PODNL1: variants seen among roughly 807,000 people sequenced by gnomAD.
PODNL1 encodes the protein podocan-like protein 1.
PODNL1 carries 50 observed loss-of-function variants against 45.1 expected under a neutral mutation model. That is an observed-to-expected ratio of 1.11 (90% CI 0.88 to 1.40). The LOEUF is 1.40. Ranked by LOEUF, PODNL1 falls within the 40% of genes most tolerant of loss-of-function variation. The pLI is 0.00. For synonymous variants in PODNL1, 406 were observed against 372.5 expected (o/e 1.09, Z -1.04); for missense variants, 788 against 793.3 (o/e 0.99, Z 0.08).
chr19:13,945,999 C>CT (rs1456894650), intron 1 of PODNL1, among the ~76,000 whole-genome samples: 8 of 151,962 alleles, frequency 5.3e-5, no homozygotes, highest in African/African-American at 1.9e-4. Context: ...TGGAGTGCCA[C>CT]TGCACTCCAA....
rs558988509 is a variant in PODNL1 at position 13,933,588 on chromosome 19, G to A, written c.768-133C>T. On this transcript the variant is annotated intron_variant, in intron 7 of 9. Coordinates refer to ENST00000588872, the MANE Select transcript of PODNL1 (RefSeq NM_001370095.3). This position sits in a 1 kb window ranked among gnomAD's most constrained non-coding sequence, Gnocchi z 5.2. ...TTTTGACTTGGGAGTGATGCGTGGA[G>A]AGAGCTGGGTGGGAGGTAAACTTGG... is the stretch of plus-strand genomic sequence containing the variant. The A allele has an allele frequency of 4.7e-4, 492 of 1,050,940 alleles. 2 individuals carry two copies. In the South Asian group the frequency reaches 7.8e-3, roughly 17 times the overall value. 65.1% of individuals were successfully genotyped at this position (1,050,940 alleles called of 1,614,324 possible).
chr19:13,938,671 G>T (rs1169048430), upstream of PODNL1, among the ~76,000 whole-genome samples: 1 of 152,150 alleles, frequency 6.6e-6, no homozygotes, highest in Non-Finnish European at 1.5e-5. Context: ...CAGCCCAGAT[G>T]CCAGCCTGGG....
chr19:13,936,395 G>A lies in PODNL1; in HGVS notation c.291C>T (p.Asn97=). The change falls in exon 3 of 10, where the codon AAC becomes AAT. Residue 97 remains asparagine, a synonymous_variant. Coordinates refer to ENST00000588872, the MANE Select transcript of PODNL1 (RefSeq NM_001370095.3). Reference sequence around the variant, plus strand: ...CGGAGGAGATGAGGTTGTTGTGGAGGTTGAGGGTTCGCAGGCCACTGAGGC... The same window carrying A: ...CGGAGGAGATGAGGTTGTTGTGGAGATTGAGGGTTCGCAGGCCACTGAGGC... ...LSRLSGLRTL[N]LHNNLISSEG... is the part of the protein sequence containing the mutation. The A allele has an allele frequency of 6.2e-7, 1 of 1,613,544 alleles. No individual in the cohort carries two copies. Among genetic ancestry groups the A allele is most frequent in the Non-Finnish European group, 8.5e-7 (1 of 1,179,602 alleles).
chr19:13,944,719 G>A (rs1007648817), intron 1 of PODNL1, among the ~76,000 whole-genome samples: 3 of 151,724 alleles, frequency 2.0e-5, no homozygotes, highest in African/African-American at 7.3e-5. Context: ...GCCTTCCAAA[G>A]TACTGGATTA....
At chr19:13,946,544 G>C (rs1230479221) in intron 1 of PODNL1, among the ~76,000 whole-genome samples, 1 of 152,122 alleles carries the variant, frequency 6.6e-6, no homozygotes, top group East Asian at 1.9e-4. Flanking sequence ...GGCTTTCTGT[G>C]TTCAAAGCCA....
exon 1 of PODNL1, chr19:13,953,383 T>A (rs1463216179): frequency 8.6e-6 from 4 of 462,792 alleles, no homozygotes; most frequent in African/African-American, 8.4e-5. Context: ...GGTAGCTTTG[T>A]AAGGGCAGTG....
intron 3 of PODNL1, 126 bp from the exon 4 acceptor site, chr19:13,936,170 C>T: frequency 1.0e-6 from 1 of 960,614 alleles, no homozygotes; most frequent in Non-Finnish European, 1.6e-6. Flanking sequence ...CCCTCAGATC[C>T]CCTCCTCCCC....
chr19:13,935,994 C>G lies in PODNL1; in HGVS notation c.370G>C (p.Val124Leu), dbSNP rs1323761826. Residue 124 changes from valine (V) to leucine (L), a missense_variant, in exon 4 of 10, where the codon GTG (valine) becomes CTG (leucine). Val to Leu is a conservative substitution (Grantham distance 32). Around this residue, in one of 3 missense-constraint regions of PODNL1, gnomAD observed 762 missense variants for 750.9 expected, o/e 1.01. Coordinates refer to ENST00000588872, the MANE Select transcript of PODNL1 (RefSeq NM_001370095.3). ...ESLTQLQHLC[V>L]AHNKLSVAPQ... is the part of the protein sequence containing the mutation. ...TGGGGGCTCACCTTGTTGTGAGCCACGCAGAGGTGCTGCAGCTGGGTGAGG... is the reference window on the plus strand; with the variant it reads ...TGGGGGCTCACCTTGTTGTGAGCCAGGCAGAGGTGCTGCAGCTGGGTGAGG... 1.3e-6 allele frequency: 2 copies of G among 1,552,498 alleles called. No homozygotes were observed. Among genetic ancestry groups the G allele is most frequent in the Admixed American group, 2.0e-5 (1 of 51,268 alleles).
In PODNL1 at chr19:13,933,440, A is replaced by C. The variant is rs762850419; in HGVS notation, c.783T>G (p.Leu261=). 14 of 1,574,406 alleles carry C rather than the reference A, an allele frequency of 8.9e-6. No homozygotes were observed. The South Asian group carries it at 1.4e-4, about 15-fold the overall frequency. The part of the protein sequence containing the change: ...DATTFSKLHS[L]EYLDLSHNQL... ...GGTTGTGGGAGAGATCCAGGTATTC[A>C]AGGCTATGCAGCTTGCTGGAAGGAG... Residue 261 remains leucine (L), a synonymous_variant, in exon 8 of 10, where the codon CTT becomes CTG. Coordinates refer to ENST00000588872, the MANE Select transcript of PODNL1 (RefSeq NM_001370095.3). The surrounding 1 kb of genome is among the most constrained non-coding windows in gnomAD (Gnocchi z 5.2).
chr19:13,950,723 C>T (rs1972974230), intron 1 of PODNL1, among the ~76,000 whole-genome samples: 1 of 152,068 alleles, frequency 6.6e-6, no homozygotes, highest in African/African-American at 2.4e-5. Flanking sequence ...GTAGGGTATG[C>T]AAGAAGCAGG....
intron 1 of PODNL1, among the ~76,000 whole-genome samples, chr19:13,948,404 G>A (rs1458715044): frequency 6.7e-6 from 1 of 148,320 alleles, no homozygotes; most frequent in Admixed American, 6.7e-5. Flanking sequence ...GTAGAGACGG[G>A]GTTTCACCAT....
At chr19:13,938,484 G>T (rs1972530715), upstream of PODNL1, 6 of 1,231,016 alleles carry the variant, frequency 4.9e-6, no homozygotes, top group Non-Finnish European at 6.1e-6. Flanking sequence ...CCTGGGCCGG[G>T]CCACAAGAAC....
At chr19:13,944,493 T>C (rs1482452805) in intron 1 of PODNL1, among the ~76,000 whole-genome samples, 1 of 152,016 alleles carries the variant, frequency 6.6e-6, no homozygotes, top group Non-Finnish European at 1.5e-5. Flanking sequence ...AAAGTCTCTC[T>C]GTTGCCCAGG....
At chr19:13,947,030 C>CAA (rs538797196) in intron 1 of PODNL1, among the ~76,000 whole-genome samples, 4 of 83,742 alleles carry the variant, frequency 4.8e-5, no homozygotes, top group African/African-American at 3.9e-5. Context: ...CAGCCTGTCT[C>CAA]AAAAAAAAAA....
chr19:13,941,907 G>T (rs1972666840), upstream of PODNL1, among the ~76,000 whole-genome samples: 1 of 152,168 alleles, frequency 6.6e-6, no homozygotes, highest in Admixed American at 6.6e-5. Flanking sequence ...TCTCTTCATG[G>T]GGTGAGACAG....
At chr19:13,938,534 G>C, upstream of PODNL1, 5 of 1,050,526 alleles carry the variant, frequency 4.8e-6, no homozygotes, top group South Asian at 1.2e-4. Flanking sequence ...GTCCTGTCTG[G>C]TATTTGGGAC....
chr19:13,953,035 C>T (rs1973150816), intron 1 of PODNL1: 3 of 1,473,074 alleles, frequency 2.0e-6, no homozygotes, highest in African/African-American at 2.8e-5. Context: ...TGCAGAGCCC[C>T]TGCCGCTGGC....
chr19:13,933,968 C>A lies in PODNL1; in HGVS notation c.677G>T (p.Arg226Leu). Residue 226 changes from arginine to leucine, a missense_variant, in exon 7 of 10, where the codon CGA becomes CTA. Around this residue, in one of 3 missense-constraint regions of PODNL1, gnomAD observed 762 missense variants for 750.9 expected, o/e 1.01. Transcript: ENST00000588872. This position sits in a 1 kb window ranked among gnomAD's most constrained non-coding sequence, Gnocchi z 5.2. ...TTGAGTCTGGCGGCTCAGGGCTCCT[C>A]GGGGCACCTTGGAGATGAGATTGTT... ...LQNNLISKVP[R>L]GALSRQTQLR... 6.2e-7 allele frequency: 1 copy of A among 1,610,378 alleles called. No homozygotes were observed.
chr19:13,952,201 C>G lies in PODNL1; in HGVS notation c.18+918G>C, dbSNP rs1378359792. ...TGTGGTCTCCATGGAAACCCGCCAG[C>G]CACAGGGGGCGTGACGCCGTTGAGA... On this transcript the variant is annotated intron_variant, in intron 1 of 7. Coordinates refer to the PODNL1 transcript ENST00000538371. 6.6e-5 allele frequency among the ~76,000 whole-genome samples: 10 copies of G among 152,260 alleles called. No homozygotes were observed. The South Asian group carries it at 1.7e-3, about 25-fold the overall frequency.
Sources: allele counts gnomAD v4.1 joint callset (sites outside exome capture counted in the v4.1 genomes callset), GRCh38; gene constraint gnomAD v4.1.1; regional missense constraint gnomAD v4.1.1; non-coding constraint Gnocchi (gnomAD v3.1); transcripts MANE v1.5; gene names NCBI Gene and HGNC (gene_info 2026-07-23, HGNC 2026-07-21).